PLCB4: variants seen among roughly 807,000 people sequenced by gnomAD.
PLCB4 encodes 1-phosphatidylinositol 4,5-bisphosphate phosphodiesterase beta-4.
In PLCB4, 77 loss-of-function variants were observed where a neutral mutation model predicts 178.8. That is an observed-to-expected ratio of 0.43 (90% confidence interval 0.36 to 0.52). The LOEUF (loss-of-function observed/expected upper bound fraction) is 0.52, where lower values mean the gene tolerates loss of function less well. Among genes scored for constraint, PLCB4 ranks in the 20% least tolerant of loss-of-function variants. The pLI, the probability that PLCB4 is intolerant of heterozygous loss-of-function variation, is 0.00. For missense variants in PLCB4, 1,024 were observed against 1,453.4 expected (o/e 0.70, Z 4.80); for synonymous variants, 496 against 490.8 (o/e 1.01, Z -0.14).
At chr20:9,270,677 T>G (rs2094394364) in intron 3 of PLCB4, among the ~76,000 whole-genome samples, 1 of 152,072 alleles carries the variant, frequency 6.6e-6, no homozygotes, top group African/African-American at 2.4e-5. Context: ...TTATTGATGA[T>G]TAATAAGGTT....
rs199930688 is a variant in PLCB4 at position 9,372,801 on chromosome 20, T to TA, written c.687-231dup. ...TTGAAATAATATCTTTTGAAAACGG[T>TA]AAAAAAAAAAAAAAATTGCAGACTT... On this transcript the variant is annotated intron_variant, in intron 11 of 39. Transcript: ENST00000378473. Among the ~76,000 whole-genome samples, 491 of 143,264 alleles carry TA rather than the reference T, an allele frequency of 3.4e-3. 2 individuals are homozygous for TA. Among genetic ancestry groups the TA allele is most frequent in the Admixed American group, 5.4e-3 (77 of 14,328 alleles). 94.0% of individuals were successfully genotyped at this position (143,264 alleles called of 152,430 possible).
chr20:9,124,003 G>T (rs959126700), intron 2 of PLCB4, among the ~76,000 whole-genome samples: 2 of 152,080 alleles, frequency 1.3e-5, no homozygotes, highest in African/African-American at 4.8e-5. Flanking sequence ...CAACACATCT[G>T]TATTTATGTA....
chr20:9,444,032 T>C lies in PLCB4; in HGVS notation c.2814+2T>C. On this transcript the variant is annotated splice_donor_variant, in intron 31 of 39. Coordinates refer to ENST00000378473, the MANE Select transcript of PLCB4 (RefSeq NM_001377142.1). LOFTEE classifies it high-confidence loss of function. ...ATAGAAGACTTAAAGCAGATGAAGG[T>C]AAAATTGCTTGACTATTTTGCAAGC... 1.9e-6 allele frequency: 3 copies of C among 1,597,684 alleles called. No homozygotes were observed. The highest frequency in any genetic ancestry group is 2.6e-6 in the Non-Finnish European group (3 of 1,168,536).
rs1602113050 is a variant in PLCB4 at position 9,362,878 on chromosome 20, T to G, written c.370-18T>G. 1 of 1,580,450 alleles carries G rather than the reference T, an allele frequency of 6.3e-7. No individual in the cohort carries two copies. On this transcript the variant is annotated intron_variant, in intron 7 of 39. Transcript: ENST00000378473. ...CAGCAGATTTGCTCACCAAGAATAT[T>G]TTTTCTTTCTCTTTCAGCAATGGGT... is the stretch of plus-strand genomic sequence containing the variant.
At chr20:9,417,815 A>G (rs924613325) in intron 25 of PLCB4, among the ~76,000 whole-genome samples, 1 of 152,168 alleles carries the variant, frequency 6.6e-6, no homozygotes, top group African/African-American at 2.4e-5. Flanking sequence ...TTACACTCCT[A>G]CTAGCAACAT....
intron 4 of PLCB4, among the ~76,000 whole-genome samples, chr20:9,333,471 A>T (rs1463867813): frequency 1.3e-5 from 2 of 152,206 alleles, no homozygotes; most frequent in Non-Finnish European, 2.9e-5. Context: ...TTGCAGGAAA[A>T]GAGTTTTTAT....
At chr20:9,153,641 C>A (rs2092730827) in intron 2 of PLCB4, among the ~76,000 whole-genome samples, 1 of 152,126 alleles carries the variant, frequency 6.6e-6, no homozygotes, top group Admixed American at 6.6e-5. Context: ...AATACAATGG[C>A]TTTAAATTTA....
chr20:9,356,287 C>G (rs2034814415), intron 7 of PLCB4, among the ~76,000 whole-genome samples: 1 of 152,104 alleles, frequency 6.6e-6, no homozygotes, highest in African/African-American at 2.4e-5. Context: ...TGCAGAAGCT[C>G]TTTAGTTTAA....
chr20:9,194,440 A>G (rs1161219534), intron 2 of PLCB4, among the ~76,000 whole-genome samples: 6 of 152,122 alleles, frequency 3.9e-5, no homozygotes, highest in Non-Finnish European at 8.8e-5. Context: ...TAATCCCAGC[A>G]CTTTGGGAGG....
In PLCB4 at chr20:9,444,693, C is replaced by A. The variant is rs147137591; in HGVS notation, c.2880+450C>A. 7.6e-3 allele frequency among the ~76,000 whole-genome samples: 1,149 copies of A among 152,154 alleles called. 16 individuals carry two copies. Among genetic ancestry groups the A allele is most frequent in the African/African-American group, 0.026 (1,077 of 41,514 alleles). On this transcript the variant is annotated intron_variant, in intron 32 of 39. Coordinates refer to ENST00000378473, the MANE Select transcript of PLCB4 (RefSeq NM_001377142.1). ...AGGAGAATCGCTTTAACCCGGGAGGCAGAGGTTGCAGTGAGCTGAGATCGT... is the reference window on the plus strand; with the variant it reads ...AGGAGAATCGCTTTAACCCGGGAGGAAGAGGTTGCAGTGAGCTGAGATCGT...
At chr20:9,232,237 G>T (rs904886034) in intron 3 of PLCB4, among the ~76,000 whole-genome samples, 2 of 152,078 alleles carry the variant, frequency 1.3e-5, no homozygotes, top group Admixed American at 6.6e-5. Context: ...TGATTGTGAT[G>T]CCAGTTAGCA....
chr20:9,261,213 T>C (rs2094294065), intron 3 of PLCB4, among the ~76,000 whole-genome samples: 1 of 152,028 alleles, frequency 6.6e-6, no homozygotes, highest in Non-Finnish European at 1.5e-5. Context: ...AATCTCTCTT[T>C]TTTTTTTTAA....
intron 3 of PLCB4, among the ~76,000 whole-genome samples, chr20:9,260,748 G>A (rs1042768588): frequency 6.6e-6 from 1 of 152,076 alleles, no homozygotes; most frequent in Non-Finnish European, 1.5e-5. Flanking sequence ...AATTTTCAGA[G>A]AGAGAGATGA....
chr20:9,259,185 T>G, intron 3 of PLCB4, among the ~76,000 whole-genome samples: 1 of 152,168 alleles, frequency 6.6e-6, no homozygotes, highest in Non-Finnish European at 1.5e-5. Flanking sequence ...TTAAGAGGGC[T>G]CCTTCTTCTC....
intron 7 of PLCB4, among the ~76,000 whole-genome samples, chr20:9,360,294 G>C (rs2035207623): frequency 6.6e-6 from 1 of 152,118 alleles, no homozygotes; most frequent in African/African-American, 2.4e-5. Context: ...GGCCTTAAAG[G>C]TCACTCTCAC....
chr20:9,349,916 T>C (rs1319886529), intron 7 of PLCB4, among the ~76,000 whole-genome samples: 1 of 152,190 alleles, frequency 6.6e-6, no homozygotes, highest in Non-Finnish European at 1.5e-5. Context: ...TTGTATGTTT[T>C]CTCATCTGTG....
chr20:9,172,739 C>T (rs935805134), intron 2 of PLCB4, among the ~76,000 whole-genome samples: 5 of 152,166 alleles, frequency 3.3e-5, no homozygotes, highest in African/African-American at 1.2e-4. Flanking sequence ...TCATTTTCCC[C>T]TTCCCCTGTC....
intron 7 of PLCB4, among the ~76,000 whole-genome samples, chr20:9,359,517 A>G (rs569696033): frequency 6.6e-6 from 1 of 152,352 alleles, no homozygotes; most frequent in South Asian, 2.1e-4. Context: ...GTAGCAATTA[A>G]CAAGCTGCTA....
intron 2 of PLCB4, among the ~76,000 whole-genome samples, chr20:9,199,969 A>C (rs936779581): frequency 1.4e-5 from 2 of 144,694 alleles, no homozygotes; most frequent in Non-Finnish European, 3.0e-5. Flanking sequence ...CTCACTGGGA[A>C]TATATTACAT....
Sources: allele counts gnomAD v4.1 joint callset (sites outside exome capture counted in the v4.1 genomes callset), GRCh38; gene constraint gnomAD v4.1.1; transcripts MANE v1.5; gene names NCBI Gene and HGNC (gene_info 2026-07-23, HGNC 2026-07-21).